Variants in MYCBPAP observed in about 807,000 individuals in gnomAD.
MYCBPAP encodes MYCBP associated protein.
A neutral mutation model predicts 106.1 loss-of-function variants in MYCBPAP; 60 were observed. The observed-to-expected ratio is 0.57, with a 90% CI of 0.46 to 0.70. The LOEUF is 0.70. MYCBPAP is among the 30% of genes least tolerant of loss of function. The pLI is 0.00. For synonymous variants in MYCBPAP, 407 were observed against 440.6 expected, an observed-to-expected ratio of 0.92 and a Z score of 0.95; for missense variants, 1,064 against 1,169.3, an observed-to-expected ratio of 0.91 and a Z score of 1.31.
At chr17:50,529,233 C>G in intron 18 of MYCBPAP, 45 bp downstream of exon 18, 1 of 1,568,564 alleles carries the variant, frequency 6.4e-7, no homozygotes, top group South Asian at 1.1e-5. Context: ...TCCCACCTGC[C>G]TTATTCATTC....
chr17:50,521,097 G>A lies in MYCBPAP; in HGVS notation c.917-13G>A, dbSNP rs768424077. ...CAGCAGCCTGTGCTGAGGGTCCTTG[G>A]ACCTCATGCTAGGATTACCAGCCCA... On this transcript the variant is annotated splice_polypyrimidine_tract_variant and intron_variant, in intron 7 of 18. Transcript: ENST00000323776. 6.2e-7 allele frequency: 1 copy of A among 1,605,076 alleles called. No homozygotes were observed. The highest frequency in any genetic ancestry group is 1.1e-5 in the South Asian group (1 of 89,492).
Position 50,526,193 on chromosome 17 carries a change from A to T in MYCBPAP, c.2095A>T (p.Ser699Cys). 6.2e-7 allele frequency: 1 copy of T among 1,613,572 alleles called. No homozygotes were observed. The highest frequency in any genetic ancestry group is 8.5e-7 in the Non-Finnish European group (1 of 1,180,010). Residue 699 changes from serine to cysteine, a missense_variant, in exon 14 of 19, where the codon AGC (serine) becomes TGC (cysteine). Physicochemically the swap from Ser to Cys is moderately radical, Grantham distance 112. Transcript: ENST00000323776. ...GGTGGAGGAAAGCCCAGATGTGGAC[A>T]GCACCAAGAGCCCCTGGGAGCCGGA... ...ILVEESPDVD[S>C]TKSPWEPDGL...
In MYCBPAP at chr17:50,517,316, AAAGG is replaced by A. The variant is rs1210708929; in HGVS notation, c.232_235del (p.Glu78IlefsTer27). 6.2e-7 allele frequency: 1 copy of A among 1,614,028 alleles called. No individual in the cohort carries two copies. Among genetic ancestry groups the A allele is most frequent in the African/African-American group, 1.3e-5 (1 of 74,898 alleles). On this transcript the variant is annotated frameshift_variant, in exon 3 of 19. Coordinates refer to ENST00000323776, the MANE Select transcript of MYCBPAP (RefSeq NM_032133.6). LOFTEE classifies it high-confidence loss of function. ...AGCAACACATTCCTCGCCTTACTGA[AAAGG>A]AAGATAAACGTGTCATCACCCAGAA...
chr17:50,524,007 G>A (rs1263284425), intron 12 of MYCBPAP, among the ~76,000 whole-genome samples: 1 of 152,242 alleles, frequency 6.6e-6, no homozygotes, highest in Non-Finnish European at 1.5e-5. Flanking sequence ...GCAATGCCAT[G>A]CATGGCCCCA....
chr17:50,511,367 G>C (rs1008638329), intron 1 of MYCBPAP, among the ~76,000 whole-genome samples: 1 of 151,860 alleles, frequency 6.6e-6, no homozygotes, highest in African/African-American at 2.4e-5. Context: ...AACCCTCCTA[G>C]CAATATTAGA....
intron 1 of MYCBPAP, chr17:50,510,499 G>GTGTGTGTGTGTATA (rs1418345705): frequency 6.5e-5 from 5 of 76,414 alleles, no homozygotes; most frequent in African/African-American, 2.3e-4. Context: ...GTGTGTGTGT[G>GTGTGTGTGTGTATA]TATATATATA....
At position 50,529,150 on chromosome 17, in the gene MYCBPAP, C is replaced by A. The variant is rs368624658; in HGVS notation, c.2686C>A (p.Leu896Met). Residue 896 changes from leucine to methionine, a missense_variant, in exon 18 of 19, where the codon CTG becomes ATG. Leu to Met is a conservative substitution (Grantham distance 15). Transcript: ENST00000323776. ...CTCTTCTCAAGAACCCATAGACCCC[C>A]TGGTCATGGGGAAATACACCCAGAG... ...ILSSQEPIDPLVMGKYTQSLH... is the reference protein window; with the variant it reads ...ILSSQEPIDPMVMGKYTQSLH... 126 of 1,613,440 alleles carry A rather than the reference C, an allele frequency of 7.8e-5. No individual in the cohort carries two copies. The highest frequency in any genetic ancestry group is 1.0e-4 in the Non-Finnish European group (122 of 1,180,028).
In MYCBPAP at chr17:50,529,179, G is replaced by A. The variant is rs1439032812; in HGVS notation, c.2715G>A (p.Leu905=). The A allele has an allele frequency of 3.1e-6, 5 of 1,611,452 alleles. No individual in the cohort carries two copies. The highest frequency in any genetic ancestry group is 4.2e-6 in the Non-Finnish European group (5 of 1,179,660). The change falls in exon 18 of 19, where the codon CTG becomes CTA. Residue 905 remains leucine, a synonymous_variant. Transcript: ENST00000323776. ...TCATGGGGAAATACACCCAGAGCCT[G>A]CACAGTGAGGTGAAGGGAAGCGCCC... ...PLVMGKYTQS[L]HSEVRGLLDT...
At chr17:50,509,536 CTGTGTGTGTGTGTGTGTGTGTGTGTG>C (rs71353648) in intron 1 of MYCBPAP, 1 of 151,018 alleles carries the variant, frequency 6.6e-6, no homozygotes, top group African/African-American at 2.7e-5. Flanking sequence ...CTTTTTTTTT[CTGTGTGTGTGTGTGTGTGTGTGTGTG>C]TGTGTGTGTG....
At chr17:50,513,232 A>AT (rs2033921756) in intron 1 of MYCBPAP, among the ~76,000 whole-genome samples, 2 of 150,628 alleles carry the variant, frequency 1.3e-5, no homozygotes, top group Non-Finnish European at 3.0e-5. Context: ...AAAAAAAAAA[A>AT]AAAAAAAAGC....
At chr17:50,531,277 G>A (rs771230524) in intron 18 of MYCBPAP, 50 bp from the exon 19 acceptor site, 1 of 1,279,314 alleles carries the variant, frequency 7.8e-7, no homozygotes, top group Non-Finnish European at 1.1e-6. Flanking sequence ...TCATATATAG[G>A]TGCTTCCCAC....
intron 10 of MYCBPAP, chr17:50,522,726 T>TATATATATATATATATCTATA (rs56247158): frequency 1.5e-5 from 1 of 64,972 alleles, no homozygotes; most frequent in African/African-American, 9.8e-5. Context: ...ATATATATAT[T>TATATATATATATATATCTATA]TGTTTTATCT....
chr17:50,508,621 C>G lies in MYCBPAP; in HGVS notation c.-54C>G, dbSNP rs1188678065. ...TTGGCTGGCGGGTGCGGCGCAGCCT[C>G]GGTGTCTCTGGGCCGGCGGTGCAGG... On this transcript the variant is annotated 5_prime_UTR_variant, in exon 1 of 19. Coordinates refer to ENST00000323776, the MANE Select transcript of MYCBPAP (RefSeq NM_032133.6). 1.9e-6 allele frequency: 3 copies of G among 1,564,958 alleles called. No individual in the cohort carries two copies. The highest frequency in any genetic ancestry group is 2.7e-5 in the African/African-American group (2 of 73,086).
In MYCBPAP at chr17:50,526,223, C is replaced by A. The variant is rs1267800512; in HGVS notation, c.2125C>A (p.Leu709Ile). The change falls in exon 14 of 19, where the codon CTT becomes ATT. Residue 709 changes from leucine (L) to isoleucine (I), a missense_variant. By Grantham distance (5) the Leu-to-Ile change is conservative. Coordinates refer to ENST00000323776, the MANE Select transcript of MYCBPAP (RefSeq NM_032133.6). Reference protein sequence around the residue: ...STKSPWEPDGLPLLEWNLCLE... With the variant: ...STKSPWEPDGIPLLEWNLCLE... Reference sequence around the variant, plus strand: ...CAAGAGCCCCTGGGAGCCGGATGGCCTTCCCCTGCTGGAGTGGAACCTCTG... The same window carrying A: ...CAAGAGCCCCTGGGAGCCGGATGGCATTCCCCTGCTGGAGTGGAACCTCTG... 6.2e-7 allele frequency: 1 copy of A among 1,612,610 alleles called. No homozygotes were observed. Among genetic ancestry groups the A allele is most frequent in the Admixed American group, 1.7e-5 (1 of 59,902 alleles).
intron 12 of MYCBPAP, 128 bp from the exon 13 acceptor site, chr17:50,524,749 A>AGAGAGG: frequency 1.3e-6 from 1 of 792,736 alleles, no homozygotes; most frequent in Non-Finnish European, 2.0e-6. Flanking sequence ...AGAGAGAGAG[A>AGAGAGG]GAGAGAGAGA....
At chr17:50,526,410 C>T (rs984375763) in intron 14 of MYCBPAP, 143 bp downstream of exon 14, 1 of 378,712 alleles carries the variant, frequency 2.6e-6, no homozygotes, top group Non-Finnish European at 4.1e-6. Flanking sequence ...GGTTATCTAT[C>T]TATCTATTTA....
chr17:50,521,086 G>C (rs1273087898), intron 7 of MYCBPAP, 24 bp from the exon 8 acceptor site: 1 of 1,590,576 alleles, frequency 6.3e-7, no homozygotes, highest in Admixed American at 1.7e-5. Flanking sequence ...AGCCTGTGCT[G>C]AGGGTCCTTG....
intron 10 of MYCBPAP, chr17:50,522,377 T>C (rs369811811): frequency 1.5e-4 from 40 of 267,146 alleles, no homozygotes; most frequent in African/African-American, 8.2e-4. Flanking sequence ...TGCTAAGGAA[T>C]AGAAGTGTTC....
intron 10 of MYCBPAP, 46 bp downstream of exon 10, chr17:50,522,127 G>T (rs749653737): frequency 6.6e-7 from 1 of 1,507,950 alleles, no homozygotes; most frequent in Non-Finnish European, 9.2e-7. Context: ...TCCCTCAGGG[G>T]TGCAGCCCTG....
Sources: gnomAD v4.1 joint callset for allele counts (sites outside exome capture counted in the v4.1 genomes callset) on GRCh38, gnomAD v4.1.1 for gene constraint, MANE v1.5 for transcripts, NCBI Gene and HGNC (gene_info 2026-07-23, HGNC 2026-07-21) for gene names.